The following EXOC6 variants were observed in gnomAD, a reference collection of about 807,000 sequenced individuals.
The protein encoded by EXOC6 is exocyst complex component 6.
In EXOC6, 60 loss-of-function variants were observed where a neutral mutation model predicts 112.5. The ratio of observed to expected loss-of-function variants is 0.53; its 90% confidence interval spans 0.43 to 0.66. The LOEUF (loss-of-function observed/expected upper bound fraction) is 0.66. Ranked by LOEUF, EXOC6 falls within the 30% of genes least tolerant of loss-of-function variation. EXOC6 has a pLI of 0.00. For synonymous variants in EXOC6, 295 were observed against 308.0 expected, an observed-to-expected ratio of 0.96 and a Z score of 0.44; for missense variants, 855 against 957.1, an observed-to-expected ratio of 0.89 and a Z score of 1.41.
upstream of EXOC6, among the ~76,000 whole-genome samples, chr10:92,844,244 A>T (rs1846971978): frequency 6.6e-6 from 1 of 152,190 alleles, no homozygotes; most frequent in African/African-American, 2.4e-5. Context: ...TCACTTATTA[A>T]TTGAGCCTCT....
chr10:93,024,318 G>A (rs1027662610), intron 20 of EXOC6, among the ~76,000 whole-genome samples: 3 of 152,090 alleles, frequency 2.0e-5, no homozygotes, highest in Non-Finnish European at 4.4e-5. Context: ...TTTCCCAAAG[G>A]GTCTTTCCAG....
rs868816544 is a variant in EXOC6 at position 92,976,088 on chromosome 10, G to T, written c.1953+1856G>T. 8.3e-3 allele frequency among the ~76,000 whole-genome samples: 1,243 copies of T among 150,606 alleles called. 10 individuals carry two copies. Among genetic ancestry groups the T allele is most frequent in the Non-Finnish European group, 0.015 (986 of 67,358 alleles). Reference sequence around the variant, plus strand: ...CCCCGCCCGGCCAGCCGCCCCGCCCGGGAGGTGAGGGGCGCCTCTGCCCGG... The same window carrying T: ...CCCCGCCCGGCCAGCCGCCCCGCCCTGGAGGTGAGGGGCGCCTCTGCCCGG... On this transcript the variant is annotated intron_variant, in intron 18 of 21. Coordinates refer to ENST00000260762, the MANE Select transcript of EXOC6 (RefSeq NM_019053.6).
chr10:92,848,516 C>T (rs753079871), upstream of EXOC6: 7 of 1,349,460 alleles, frequency 5.2e-6, no homozygotes, highest in African/African-American at 4.6e-5. Flanking sequence ...CTCGCTGGCT[C>T]CTCAGCTTCC....
chr10:92,894,712 T>G, intron 2 of EXOC6, 82 bp from the exon 3 acceptor site: 2 of 1,053,704 alleles, frequency 1.9e-6, no homozygotes, highest in Non-Finnish European at 2.9e-6. Context: ...TCATGAAGCA[T>G]GATCTGATTA....
At chr10:92,996,315 T>C (rs7088440) in intron 18 of EXOC6, among the ~76,000 whole-genome samples, 1,988 of 152,106 alleles carry the variant, frequency 0.013, 44 homozygotes, top group African/African-American at 0.046. Context: ...CCTAAAAGAG[T>C]TTTTATAATA....
chr10:92,910,319 C>T (rs1054305103), intron 6 of EXOC6, among the ~76,000 whole-genome samples: 9 of 152,164 alleles, frequency 5.9e-5, no homozygotes, highest in African/African-American at 2.2e-4. Context: ...ACTGCTAATG[C>T]AACAACATGT....
chr10:92,973,856 C>A, intron 17 of EXOC6, among the ~76,000 whole-genome samples, 197 bp from the exon 18 acceptor site: 1 of 151,460 alleles, frequency 6.6e-6, no homozygotes, highest in East Asian at 1.9e-4. Context: ...TAGAAAGGAA[C>A]TAAGAAAAGA....
At chr10:92,863,728 T>C (rs80059868) in intron 1 of EXOC6, among the ~76,000 whole-genome samples, 3,338 of 151,786 alleles carry the variant, frequency 0.022, 57 homozygotes, top group African/African-American at 0.041. Context: ...CTGGCTAACA[T>C]GGTGAAACCC....
Position 92,893,501 on chromosome 10 carries a change from C to T in EXOC6, c.254C>T (p.Thr85Ile). The change falls in exon 2 of 22, where the codon ACT (threonine) becomes ATT (isoleucine). Residue 85 changes from threonine (T) to isoleucine (I), a missense_variant. Thr to Ile is a moderately conservative substitution (Grantham distance 89). This residue lies in a region of EXOC6 where 405 missense variants were observed against 393.6 expected (regional missense o/e 1.03). Transcript: ENST00000260762. ...ATTACAGAACTCCTTAAAGTAAGGA[C>T]TGATGCAGAAAAACTGAAGGTAAGA... ...DAITELLKVR[T>I]DAEKLKVQVT... The T allele has an allele frequency of 6.3e-7, 1 of 1,598,306 alleles. No individual in the cohort carries two copies. Among genetic ancestry groups the T allele is most frequent in the Middle Eastern group, 1.7e-4 (1 of 5,926 alleles).
chr10:92,856,734 A>G (rs904598871), intron 1 of EXOC6, among the ~76,000 whole-genome samples: 7 of 152,106 alleles, frequency 4.6e-5, no homozygotes, highest in Admixed American at 6.5e-5. Flanking sequence ...CACGTCTCCT[A>G]TTCCCTTTTG....
chr10:92,962,954 A>G (rs1854096689), intron 17 of EXOC6, among the ~76,000 whole-genome samples: 1 of 152,132 alleles, frequency 6.6e-6, no homozygotes, highest in Non-Finnish European at 1.5e-5. Flanking sequence ...TGCCATACTT[A>G]TTCTTGTTAC....
upstream of EXOC6, among the ~76,000 whole-genome samples, chr10:92,831,587 C>T (rs1839313333): frequency 1.3e-5 from 2 of 152,010 alleles, no homozygotes; most frequent in African/African-American, 4.8e-5. Context: ...GTGCGTGCCA[C>T]CATGCCTGGC....
chr10:92,917,309 T>A (rs1455346340), intron 7 of EXOC6, among the ~76,000 whole-genome samples: 2 of 152,088 alleles, frequency 1.3e-5, no homozygotes, highest in African/African-American at 4.8e-5. Context: ...TTACCTGTTG[T>A]CAGATTTTTA....
chr10:92,916,652 CA>C (rs1851107191), intron 7 of EXOC6, among the ~76,000 whole-genome samples: 1 of 152,236 alleles, frequency 6.6e-6, no homozygotes, highest in Non-Finnish European at 1.5e-5. Context: ...ATTTGCATAA[CA>C]ATCTGTCTCC....
At chr10:92,920,744 T>C (rs1316317302) in intron 8 of EXOC6, among the ~76,000 whole-genome samples, 2 of 152,272 alleles carry the variant, frequency 1.3e-5, no homozygotes, top group East Asian at 3.8e-4. Flanking sequence ...TTGCCAGTTT[T>C]TTATTCATGT....
chr10:92,958,236 T>C, intron 17 of EXOC6, among the ~76,000 whole-genome samples: 1 of 152,214 alleles, frequency 6.6e-6, no homozygotes, highest in East Asian at 1.9e-4. Flanking sequence ...AAAGCTAATA[T>C]AAGTCTTCTC....
intron 1 of EXOC6, among the ~76,000 whole-genome samples, chr10:92,860,017 A>G (rs1174190497): frequency 6.6e-6 from 1 of 152,124 alleles, no homozygotes; most frequent in Non-Finnish European, 1.5e-5. Context: ...ATCCAGCCAC[A>G]TTGTGCCGAA....
intron 17 of EXOC6, among the ~76,000 whole-genome samples, chr10:92,972,739 G>A (rs1842351036): frequency 6.6e-6 from 1 of 152,138 alleles, no homozygotes; most frequent in Non-Finnish European, 1.5e-5. Flanking sequence ...TATTTCAACA[G>A]TTTCCTTTGG....
chr10:93,040,993 T>TAC (rs564374640), intron 20 of EXOC6, among the ~76,000 whole-genome samples: 7 of 152,248 alleles, frequency 4.6e-5, no homozygotes, highest in Non-Finnish European at 1.0e-4. Context: ...ATGCCTTAGA[T>TAC]ACATATCAAG....
Sources: gnomAD v4.1 joint callset for allele counts (sites outside exome capture counted in the v4.1 genomes callset) on GRCh38, gnomAD v4.1.1 for gene constraint, gnomAD v4.1.1 regional missense constraint, MANE v1.5 for transcripts, NCBI Gene and HGNC (gene_info 2026-07-23, HGNC 2026-07-21) for gene names.